The following ZMYND12 variants were observed in gnomAD, a reference collection of about 807,000 sequenced individuals.
ZMYND12 encodes zinc finger MYND-type containing 12, also known as zinc finger MYND domain-containing protein 12.
In ZMYND12, 32 loss-of-function variants were observed where a neutral mutation model predicts 41.7. That is an observed-to-expected ratio of 0.77 (90% CI 0.58 to 1.03). The LOEUF is 1.03. Among genes scored for constraint, ZMYND12 ranks in the 50% least tolerant of loss-of-function variants. The probability of loss-of-function intolerance (pLI) is 0.00; values close to 1 mark genes in which losing one functional copy is unlikely to be tolerated. For synonymous variants in ZMYND12, 148 were observed against 164.8 expected (o/e 0.90, Z 0.78); for missense variants, 424 against 438.5 (o/e 0.97, Z 0.30).
intron 3 of ZMYND12, among the ~76,000 whole-genome samples, chr1:42,444,659 G>T (rs766004742): frequency 9.9e-5 from 15 of 152,156 alleles, no homozygotes; most frequent in Non-Finnish European, 1.6e-4. Flanking sequence ...GGCTGAGTGT[G>T]AAGACATCCG....
chr1:42,436,741 T>A (rs1220808069), intron 4 of ZMYND12, among the ~76,000 whole-genome samples, 198 bp from the exon 5 acceptor site: 1 of 151,726 alleles, frequency 6.6e-6, no homozygotes, highest in East Asian at 1.9e-4. Flanking sequence ...AACATAGTAA[T>A]TAGGTAAATG....
chr1:42,452,886 G>A (rs575042799), intron 1 of ZMYND12, among the ~76,000 whole-genome samples: 1 of 152,212 alleles, frequency 6.6e-6, no homozygotes, highest in South Asian at 2.1e-4. Flanking sequence ...TAATCCCTGG[G>A]TTGTGGGACT....
chr1:42,442,602 GC>G (rs1326992535), intron 3 of ZMYND12, among the ~76,000 whole-genome samples: 5 of 152,140 alleles, frequency 3.3e-5, no homozygotes, highest in Admixed American at 6.5e-5. Flanking sequence ...TGCTCTGGGG[GC>G]GAAGCATTGG....
intron 1 of ZMYND12, among the ~76,000 whole-genome samples, chr1:42,451,748 G>A (rs913984675): frequency 6.6e-6 from 1 of 152,178 alleles, no homozygotes; most frequent in African/African-American, 2.4e-5. Flanking sequence ...ATTATAAACA[G>A]ATCAATAAAA....
intron 3 of ZMYND12, among the ~76,000 whole-genome samples, chr1:42,444,964 C>A (rs528230460): frequency 4.6e-5 from 7 of 151,498 alleles, no homozygotes; most frequent in African/African-American, 1.4e-4. Flanking sequence ...CCCGCCACCA[C>A]GCCCGGCTAA....
chr1:42,446,660 A>AG (rs1643027564), intron 3 of ZMYND12, among the ~76,000 whole-genome samples: 1 of 151,868 alleles, frequency 6.6e-6, no homozygotes, highest in Non-Finnish European at 1.5e-5. Context: ...TCAAAAAAAA[A>AG]AAAAAGATAT....
At chr1:42,446,268 T>G (rs530536000) in intron 3 of ZMYND12, among the ~76,000 whole-genome samples, 2 of 152,222 alleles carry the variant, frequency 1.3e-5, no homozygotes, top group South Asian at 4.1e-4. Flanking sequence ...GGAGTTGCAA[T>G]TAAGGAATGG....
Position 42,445,717 on chromosome 1 carries a change from G to A in ZMYND12, c.424+2750C>T, listed in dbSNP as rs141808734. On this transcript the variant is annotated intron_variant, in intron 3 of 7. Transcript: ENST00000372565. Reference sequence around the variant, plus strand: ...TGATAGAATTGAGGTGAGAGAATTTGTTAACGGCTAGATCAAGCAGAGCCT... The same window carrying A: ...TGATAGAATTGAGGTGAGAGAATTTATTAACGGCTAGATCAAGCAGAGCCT... Among the ~76,000 whole-genome samples, 166 of 152,248 alleles carry A rather than the reference G, an allele frequency of 1.1e-3. 2 individuals are homozygous for A. Among genetic ancestry groups the A allele is most frequent in the African/African-American group, 3.7e-3 (155 of 41,534 alleles).
At chr1:42,436,914 T>C (rs1642914268) in intron 4 of ZMYND12, among the ~76,000 whole-genome samples, 1 of 152,118 alleles carries the variant, frequency 6.6e-6, no homozygotes, top group Non-Finnish European at 1.5e-5. Flanking sequence ...GGTAGTTCCT[T>C]AAAAAGTTAA....
chr1:42,433,092 G>A (rs755651990), intron 7 of ZMYND12, 51 bp downstream of exon 7: 1 of 1,600,964 alleles, frequency 6.2e-7, no homozygotes, highest in Admixed American at 1.8e-5. Context: ...AGTTCAACTA[G>A]TTGAATTTCT....
chr1:42,432,104 T>A (rs1488716653), intron 7 of ZMYND12, among the ~76,000 whole-genome samples: 2 of 148,600 alleles, frequency 1.3e-5, no homozygotes, highest in Non-Finnish European at 3.0e-5. Context: ...TCACCCAGGC[T>A]AGAGTGCAGA....
chr1:42,455,934 C>A lies in ZMYND12; in HGVS notation c.64G>T (p.Ala22Ser). 2 of 1,613,710 alleles carry A rather than the reference C, an allele frequency of 1.2e-6. No individual in the cohort carries two copies. Among genetic ancestry groups the A allele is most frequent in the South Asian group, 2.2e-5 (2 of 91,076 alleles). The change falls in exon 1 of 8, where the codon GCC becomes TCC. Residue 22 changes from alanine to serine, a missense_variant. Transcript: ENST00000372565. ...GRRLCCEVCE[A>S]PAERVCAACT... is the part of the protein sequence containing the mutation. ...GCCGCGCACACCCGCTCGGCTGGGG[C>A]TTCGCACACCTCACAGCAGAGTCTG...
At chr1:42,441,663 C>T (rs1212849207) in intron 3 of ZMYND12, among the ~76,000 whole-genome samples, 2 of 151,904 alleles carry the variant, frequency 1.3e-5, no homozygotes, top group African/African-American at 2.4e-5. Context: ...CTCTGTCGCC[C>T]AGGCTGGAGT....
In ZMYND12 at chr1:42,439,918, G is replaced by C; in HGVS notation, c.532C>G (p.Leu178Val). The C allele has an allele frequency of 6.2e-7, 1 of 1,614,186 alleles. No homozygotes were observed. The highest frequency in any genetic ancestry group is 8.5e-7 in the Non-Finnish European group (1 of 1,180,040). ...TTCTTAGCTATATAGAGAAGTCCCA[G>C]ATTCCGATGCAGTAAAGAGTGGGTG... ...NATHSLLHRN[L>V]GLLYIAKKNY... Residue 178 changes from leucine (L) to valine (V), a missense_variant, in exon 4 of 8, where the codon CTG becomes GTG. Leu to Val is a conservative substitution (Grantham distance 32). Transcript: ENST00000372565.
At chr1:42,447,427 T>G (rs1421915604) in intron 3 of ZMYND12, among the ~76,000 whole-genome samples, 1 of 152,230 alleles carries the variant, frequency 6.6e-6, no homozygotes, top group Non-Finnish European at 1.5e-5. Context: ...TTCCAGAGTT[T>G]TGTTGCCAAC....
At chr1:42,448,443 G>C in intron 3 of ZMYND12, 24 bp downstream of exon 3, 1 of 1,557,292 alleles carries the variant, frequency 6.4e-7, no homozygotes, top group South Asian at 1.2e-5. Flanking sequence ...AGGGATCCAA[G>C]GATCTCAAGT....
intron 1 of ZMYND12, among the ~76,000 whole-genome samples, chr1:42,453,824 C>A (rs1336126547): frequency 1.3e-5 from 2 of 152,220 alleles, no homozygotes. Context: ...TCCCCGTGTT[C>A]CTTGCCCAAG....
intron 3 of ZMYND12, among the ~76,000 whole-genome samples, chr1:42,441,963 T>A (rs889043544): frequency 6.6e-6 from 1 of 152,216 alleles, no homozygotes; most frequent in South Asian, 2.1e-4. Context: ...GTATTATTTT[T>A]AAAAATATTT....
At chr1:42,443,767 T>G (rs886967578) in intron 3 of ZMYND12, among the ~76,000 whole-genome samples, 5 of 152,142 alleles carry the variant, frequency 3.3e-5, no homozygotes, top group Non-Finnish European at 5.9e-5. Context: ...AAACATATAT[T>G]CACCTAATTG....
Sources: gnomAD v4.1 joint callset for allele counts (sites outside exome capture counted in the v4.1 genomes callset) on GRCh38, gnomAD v4.1.1 for gene constraint, MANE v1.5 for transcripts, NCBI Gene and HGNC (gene_info 2026-07-23, HGNC 2026-07-21) for gene names.